ATAD2B: variants seen among roughly 807,000 people sequenced by gnomAD.
The protein encoded by ATAD2B is ATPase family AAA domain containing 2B.
A neutral mutation model predicts 167.6 loss-of-function variants in ATAD2B; 40 were observed. That is an observed-to-expected ratio of 0.24 (90% CI 0.19 to 0.31). ATAD2B has a LOEUF of 0.31. Ranked by LOEUF, ATAD2B falls within the 10% of genes least tolerant of loss-of-function variation. The pLI is 1.00. For synonymous variants in ATAD2B, 579 were observed against 596.5 expected (o/e 0.97, Z 0.43); for missense variants, 1,242 against 1,757.2 (o/e 0.71, Z 5.24).
chr2:23,836,307 G>A (rs1474714309), intron 13 of ATAD2B, among the ~76,000 whole-genome samples: 18 of 152,270 alleles, frequency 1.2e-4, no homozygotes, highest in South Asian at 8.3e-4. Flanking sequence ...CAGCTTCCAC[G>A]GCTGCCACTG....
At chr2:23,693,481 G>T in the ATAD2B span, 1 of 1,551,662 alleles carries the variant, frequency 6.4e-7, no homozygotes, top group Non-Finnish European at 8.7e-7. Flanking sequence ...GCTGGTGTAC[G>T]AGACAGTCAT....
the ATAD2B span, chr2:23,696,069 G>T: frequency 4.5e-6 from 7 of 1,551,804 alleles, no homozygotes; most frequent in South Asian, 2.4e-5. This position sits in a 1 kb window ranked among gnomAD's most constrained non-coding sequence, Gnocchi z 5.5. Flanking sequence ...CCTTGGCCTC[G>T]CTGCCCTTCT....
chr2:23,760,745 CACACAT>C (rs1447784264), intron 24 of ATAD2B, among the ~76,000 whole-genome samples: 1 of 120,920 alleles, frequency 8.3e-6, no homozygotes, highest in African/African-American at 2.8e-5. Flanking sequence ...CACACACACA[CACACAT>C]ACACACACAC....
intron 1 of ATAD2B, among the ~76,000 whole-genome samples, chr2:23,925,940 T>C (rs1434304084): frequency 6.6e-6 from 1 of 152,184 alleles, no homozygotes; most frequent in Admixed American, 6.5e-5. Flanking sequence ...AGCTGGCTGG[T>C]TCCCCAGCTA....
chr2:23,678,232 C>A, the ATAD2B span, among the ~76,000 whole-genome samples: 2 of 152,214 alleles, frequency 1.3e-5, no homozygotes, highest in Non-Finnish European at 2.9e-5. Flanking sequence ...CCAGGCAGAG[C>A]CTCTTCCAGT....
chr2:23,863,598 T>G, intron 11 of ATAD2B, 43 bp from the exon 12 acceptor site: 1 of 1,475,898 alleles, frequency 6.8e-7, no homozygotes, highest in Non-Finnish European at 9.1e-7. Context: ...TATATTATCA[T>G]CACTGCTGAT....
At position 23,864,894 on chromosome 2, in the gene ATAD2B, G is replaced by C; in HGVS notation, c.1219C>G (p.His407Asp). 1 of 1,596,356 alleles carries C rather than the reference G, an allele frequency of 6.3e-7. No individual in the cohort carries two copies. The highest frequency in any genetic ancestry group is 8.5e-7 in the Non-Finnish European group (1 of 1,172,236). The change falls in exon 11 of 28, where the codon CAT becomes GAT. Residue 407 changes from histidine to aspartate, a missense_variant. Around this residue, in one of 9 missense-constraint regions of ATAD2B, gnomAD observed 127 missense variants for 146.3 expected, o/e 0.87. Coordinates refer to ENST00000238789, the MANE Select transcript of ATAD2B (RefSeq NM_017552.4). ...ATTTCCTTTAGCGCATGAATATGAT[G>C]GCTCAATCCACCTATGCTATCAAAC... ...VRFDSIGGLS[H>D]HIHALKEMVV...
At chr2:23,711,342 CTTTTTTTT>C in the ATAD2B span, among the ~76,000 whole-genome samples, 38 of 79,762 alleles carry the variant, frequency 4.8e-4, no homozygotes, top group African/African-American at 1.5e-3. Flanking sequence ...GAATTTCTTT[CTTTTTTTT>C]TTTTTTTTTT....
chr2:23,703,321 C>T, the ATAD2B span: 4 of 1,545,902 alleles, frequency 2.6e-6, no homozygotes, highest in African/African-American at 1.4e-5. Flanking sequence ...CTGCCGGCGT[C>T]CTCCAGTCTT....
intron 18 of ATAD2B, among the ~76,000 whole-genome samples, chr2:23,801,622 A>G (rs1460633969): frequency 6.6e-6 from 1 of 152,092 alleles, no homozygotes; most frequent in Non-Finnish European, 1.5e-5. Flanking sequence ...TGAACTGTTC[A>G]TTTTGATTCT....
the ATAD2B span, among the ~76,000 whole-genome samples, chr2:23,698,713 G>A: frequency 6.6e-6 from 1 of 152,084 alleles, no homozygotes; most frequent in Non-Finnish European, 1.5e-5. Context: ...CAGTCACTGT[G>A]GTTACTGGAT....
At chr2:23,696,351 T>G in the ATAD2B span, 1 of 1,551,442 alleles carries the variant, frequency 6.4e-7, no homozygotes, top group East Asian at 2.4e-5. This position sits in a 1 kb window ranked among gnomAD's most constrained non-coding sequence, Gnocchi z 5.5. Flanking sequence ...GAATCAGGGG[T>G]GACGCTGGCT....
intron 10 of ATAD2B, chr2:23,865,977 G>T: frequency 1.1e-6 from 1 of 947,064 alleles, no homozygotes; most frequent in Non-Finnish European, 1.3e-6. Flanking sequence ...TATGGTACTT[G>T]AAAATGTTTT....
At chr2:23,864,727 T>C in intron 11 of ATAD2B, 82 bp downstream of exon 11, 1 of 611,142 alleles carries the variant, frequency 1.6e-6, no homozygotes, top group Non-Finnish European at 2.7e-6. Flanking sequence ...ATATCAAATA[T>C]TTATATTTAT....
chr2:23,803,327 C>T (rs1039762416), intron 18 of ATAD2B, among the ~76,000 whole-genome samples: 1 of 150,870 alleles, frequency 6.6e-6, no homozygotes, highest in African/African-American at 2.4e-5. Flanking sequence ...CACACACACA[C>T]ACACACACAC....
At chr2:23,762,139 C>G in intron 24 of ATAD2B, 70 bp downstream of exon 24, 1 of 1,505,172 alleles carries the variant, frequency 6.6e-7, no homozygotes, top group Non-Finnish European at 9.0e-7. Flanking sequence ...TGTTTTGTAC[C>G]CAATTCCTAA....
intron 13 of ATAD2B, among the ~76,000 whole-genome samples, chr2:23,854,574 G>A (rs1436743052): frequency 7.9e-5 from 12 of 151,260 alleles, no homozygotes; most frequent in Admixed American, 7.2e-4. Flanking sequence ...GCTACTCGGG[G>A]GGCCAAGGCA....
chr2:23,847,137 G>T (rs1691781657), intron 13 of ATAD2B, among the ~76,000 whole-genome samples: 1 of 132,330 alleles, frequency 7.6e-6, no homozygotes, highest in South Asian at 2.8e-4. Flanking sequence ...ACAGGAGGGT[G>T]AGGCGGGCAT....
intron 11 of ATAD2B, among the ~76,000 whole-genome samples, chr2:23,864,241 G>A (rs968288964): frequency 1.3e-5 from 2 of 152,004 alleles, no homozygotes; most frequent in African/African-American, 4.8e-5. Context: ...CTGACCTCAG[G>A]TGATCCACCC....
Sources: allele counts gnomAD v4.1 joint callset (sites outside exome capture counted in the v4.1 genomes callset), GRCh38; gene constraint gnomAD v4.1.1; regional missense constraint gnomAD v4.1.1; non-coding constraint Gnocchi (gnomAD v3.1); transcripts MANE v1.5; gene names NCBI Gene and HGNC (gene_info 2026-07-23, HGNC 2026-07-21).